Variants in KCNH7 observed in about 807,000 individuals in gnomAD.
KCNH7 encodes the protein voltage-gated inwardly rectifying potassium channel KCNH7.
In KCNH7, 49 loss-of-function variants were observed where a neutral mutation model predicts 120.8. The observed-to-expected ratio is 0.41, with a 90% CI of 0.32 to 0.51. KCNH7 has a LOEUF of 0.51. Among genes scored for constraint, KCNH7 ranks in the 20% least tolerant of loss-of-function variants. The pLI, the probability that KCNH7 is intolerant of heterozygous loss-of-function variation, is 0.38. For missense variants in KCNH7, 1,097 were observed against 1,446.6 expected, an observed-to-expected ratio of 0.76 and a Z score of 3.92; for synonymous variants, 547 against 516.1, an observed-to-expected ratio of 1.06 and a Z score of -0.81.
At chr2:162,526,707 C>T (rs1256393633) in intron 3 of KCNH7, among the ~76,000 whole-genome samples, 2 of 151,958 alleles carry the variant, frequency 1.3e-5, no homozygotes, top group Admixed American at 6.6e-5. Context: ...TTCAAGGTAC[C>T]CAGATTTCAT....
intron 5 of KCNH7, among the ~76,000 whole-genome samples, chr2:162,505,225 A>C (rs576670064): frequency 6.6e-6 from 1 of 151,980 alleles, no homozygotes; most frequent in Non-Finnish European, 1.5e-5. Context: ...AATTACAGAT[A>C]AAGCTGCAGA....
At chr2:162,549,009 C>A (rs1366669163) in intron 2 of KCNH7, among the ~76,000 whole-genome samples, 1 of 152,100 alleles carries the variant, frequency 6.6e-6, no homozygotes, top group Non-Finnish European at 1.5e-5. Context: ...TGTGGTATAA[C>A]CATTTCCCTT....
chr2:162,662,291 G>A (rs1684991042), intron 2 of KCNH7, among the ~76,000 whole-genome samples: 1 of 151,856 alleles, frequency 6.6e-6, no homozygotes, highest in South Asian at 2.1e-4. Context: ...GAAAAGAAAA[G>A]AAAATTAGAT....
At chr2:162,620,908 C>T (rs2105193825) in intron 2 of KCNH7, among the ~76,000 whole-genome samples, 1 of 152,216 alleles carries the variant, frequency 6.6e-6, no homozygotes, top group African/African-American at 2.4e-5. Flanking sequence ...AACTGGGACA[C>T]ATTTGAGAAA....
At chr2:162,607,549 T>A (rs1559041712) in intron 2 of KCNH7, among the ~76,000 whole-genome samples, 1 of 152,106 alleles carries the variant, frequency 6.6e-6, no homozygotes, top group Non-Finnish European at 1.5e-5. Context: ...TTGAGAAAAA[T>A]GGCTTATTGA....
chr2:162,633,293 G>C (rs975393596), intron 2 of KCNH7, among the ~76,000 whole-genome samples: 37 of 151,804 alleles, frequency 2.4e-4, no homozygotes, highest in African/African-American at 8.7e-4. Flanking sequence ...GAAATAATCA[G>C]GCTAAGGTTG....
intron 3 of KCNH7, among the ~76,000 whole-genome samples, chr2:162,520,702 G>A (rs559728980): frequency 2.6e-3 from 402 of 151,966 alleles, no homozygotes; most frequent in Non-Finnish European, 4.2e-3. Flanking sequence ...CTATGAGTTT[G>A]AGGCTACAGT....
rs542532979 is a variant in KCNH7, at chr2:162,373,718, A to C, written c.3132-56T>G. 2.4e-6 allele frequency: 3 copies of C among 1,272,684 alleles called. No homozygotes were observed. In the East Asian group the frequency reaches 8.6e-5, roughly 36 times the overall value. The allele number at this position is 1,272,684 out of a possible 1,614,324, so 78.8% of individuals were successfully genotyped here. A position where few individuals can be genotyped will look rare whatever the true frequency, so the allele number is the denominator to read the frequency against. ...GTCTAAAATAGTCCAGAATTTCAGG[A>C]GCATTTAAAAAAATTTCAGCACTAC... On this transcript the variant is annotated intron_variant, in intron 14 of 15. Transcript: ENST00000332142.
chr2:162,674,117 A>T (rs921268483), intron 2 of KCNH7, among the ~76,000 whole-genome samples: 3 of 151,946 alleles, frequency 2.0e-5, no homozygotes, highest in Non-Finnish European at 4.4e-5. Flanking sequence ...ACACATTTAT[A>T]TACAAGGAAG....
rs116597153 is a variant in KCNH7, at chr2:162,833,027, A to G, written c.307+3510T>C. On this transcript the variant is annotated intron_variant, in intron 2 of 15. Transcript: ENST00000332142. ...CTACCATAGTGTGTATGAAAGCATA[A>G]TGGCAAAATACAGGAACGCTCTGAC... Among the ~76,000 whole-genome samples the G allele has an allele frequency of 7.1e-3, 670 of 93,856 alleles. 7 individuals carry two copies. Among genetic ancestry groups the G allele is most frequent in the African/African-American group, 0.019 (624 of 33,536 alleles). 61.6% of individuals were successfully genotyped at this position (93,856 alleles called of 152,430 possible).
intron 2 of KCNH7, among the ~76,000 whole-genome samples, chr2:162,606,202 A>T (rs1250365625): frequency 1.3e-5 from 2 of 151,860 alleles, no homozygotes; most frequent in African/African-American, 2.4e-5. Flanking sequence ...TGGCCCATGA[A>T]TTTTTTTTCC....
intron 2 of KCNH7, among the ~76,000 whole-genome samples, chr2:162,646,796 A>G (rs1485244906): frequency 1.3e-5 from 2 of 152,220 alleles, no homozygotes; most frequent in African/African-American, 2.4e-5. Flanking sequence ...GATGCTGCCA[A>G]CAACCTGAAT....
At chr2:162,760,699 A>AGTGTTGTAATTAGTTTAATTAC (rs1186519447) in intron 2 of KCNH7, among the ~76,000 whole-genome samples, 32 of 152,240 alleles carry the variant, frequency 2.1e-4, no homozygotes, top group Non-Finnish European at 4.4e-4. Context: ...ATTACACCAG[A>AGTGTTGTAATTAGTTTAATTAC]AATGTTTAGT....
chr2:162,759,216 A>G (rs1052899180), intron 2 of KCNH7, among the ~76,000 whole-genome samples: 1 of 152,104 alleles, frequency 6.6e-6, no homozygotes, highest in African/African-American at 2.4e-5. Flanking sequence ...GGACTTCTGG[A>G]TTGAAAGGTA....
chr2:162,823,263 T>C (rs1685176806), intron 2 of KCNH7, among the ~76,000 whole-genome samples: 1 of 152,100 alleles, frequency 6.6e-6, no homozygotes, highest in African/African-American at 2.4e-5. Flanking sequence ...TAGAAGAGTA[T>C]AGTCACATTG....
chr2:162,718,153 T>C (rs561732291), intron 2 of KCNH7, among the ~76,000 whole-genome samples: 1 of 151,976 alleles, frequency 6.6e-6, no homozygotes, highest in Admixed American at 6.6e-5. Context: ...CTCTTAACAC[T>C]TGACAGAGAA....
rs377531329 is a variant in KCNH7, at chr2:162,437,339, T to C, written c.1555-1742A>G. ...GATGTTTAGAGAGGTGAGTCTTCTCTGTCTCCAGTACTGAGTTGTTTTTCA... is the reference window on the plus strand; with the variant it reads ...GATGTTTAGAGAGGTGAGTCTTCTCCGTCTCCAGTACTGAGTTGTTTTTCA... On this transcript the variant is annotated intron_variant, in intron 7 of 15. Transcript: ENST00000332142. 2.6e-5 allele frequency among the ~76,000 whole-genome samples: 4 copies of C among 152,290 alleles called. No individual in the cohort carries two copies. The East Asian group carries it at 7.7e-4, about 29-fold the overall frequency.
intron 2 of KCNH7, among the ~76,000 whole-genome samples, chr2:162,710,381 C>T (rs1469658887): frequency 2.6e-5 from 4 of 151,852 alleles, no homozygotes; most frequent in African/African-American, 9.7e-5. Flanking sequence ...TTTTTGTTTC[C>T]ATTGATCTGC....
intron 2 of KCNH7, among the ~76,000 whole-genome samples, chr2:162,732,734 T>C (rs1574319184): frequency 6.6e-6 from 1 of 152,206 alleles, no homozygotes; most frequent in Non-Finnish European, 1.5e-5. Flanking sequence ...TGATGAGATA[T>C]GGGCAGTAGC....
Sources: allele counts gnomAD v4.1 joint callset (sites outside exome capture counted in the v4.1 genomes callset), GRCh38; gene constraint gnomAD v4.1.1; transcripts MANE v1.5; gene names NCBI Gene and HGNC (gene_info 2026-07-23, HGNC 2026-07-21).